EGFR: variants seen among roughly 807,000 people sequenced by gnomAD.
EGFR encodes the protein epidermal growth factor receptor.
In EGFR, 58 loss-of-function variants were observed where a neutral mutation model predicts 143.0. The observed-to-expected ratio is 0.41, with a 90% CI of 0.33 to 0.50. The LOEUF (loss-of-function observed/expected upper bound fraction) is 0.50, where lower values mean the gene tolerates loss of function less well. Among genes scored for constraint, EGFR ranks in the 20% least tolerant of loss-of-function variants. EGFR has a pLI of 0.39. For synonymous variants in EGFR, 613 were observed against 594.4 expected (o/e 1.03, Z -0.45); for missense variants, 1,307 against 1,579.0 (o/e 0.83, Z 2.92).
intron 24 of EGFR, 60 bp from the exon 25 acceptor site, chr7:55,201,128 C>A (rs1402059513): frequency 1.2e-6 from 2 of 1,610,202 alleles, no homozygotes; most frequent in Non-Finnish European, 1.7e-6. Flanking sequence ...GCTCCTATAG[C>A]CAAGAAGTGG....
At chr7:55,046,562 G>A (rs958808435) in intron 1 of EGFR, among the ~76,000 whole-genome samples, 2 of 147,312 alleles carry the variant, frequency 1.4e-5, no homozygotes, top group Non-Finnish European at 3.0e-5. Flanking sequence ...CCTTAGACAT[G>A]TGTTAGTGTT....
chr7:55,072,568 G>A (rs553283116), intron 1 of EGFR, among the ~76,000 whole-genome samples: 46 of 152,300 alleles, frequency 3.0e-4, no homozygotes, highest in African/African-American at 9.4e-4. Flanking sequence ...CTTTTTTAGG[G>A]AAGTGATTTT....
chr7:55,026,295 T>C (rs1786879560), intron 1 of EGFR, among the ~76,000 whole-genome samples: 1 of 152,204 alleles, frequency 6.6e-6, no homozygotes, highest in Non-Finnish European at 1.5e-5. Context: ...AGTAAATCAG[T>C]TCCAGAGTCA....
At chr7:55,165,491 TC>T (rs1205270064) in intron 15 of EGFR, 54 bp downstream of exon 15, 1 of 1,565,974 alleles carries the variant, frequency 6.4e-7, no homozygotes. Context: ...AATTCAGAGA[TC>T]AAAAATGTCT....
chr7:55,191,308 T>C (rs1414085415), intron 20 of EGFR, among the ~76,000 whole-genome samples: 6 of 152,156 alleles, frequency 3.9e-5, no homozygotes, highest in African/African-American at 1.2e-4. Context: ...TTAAAAACCC[T>C]GAACGACATT....
chr7:55,169,099 A>ATT lies in EGFR; in HGVS notation c.1881-2074_1881-2073dup, dbSNP rs750170891. On this transcript the variant is annotated intron_variant, in intron 15 of 27. Coordinates refer to ENST00000275493, the MANE Select transcript of EGFR (RefSeq NM_005228.5). Reference sequence around the variant, plus strand: ...GGGGAGGAACCCTGGAGGAATAGCTATTTCTTTTTTTTTTTTGTCGAGACG... The same window carrying ATT: ...GGGGAGGAACCCTGGAGGAATAGCTATTTTTCTTTTTTTTTTTTGTCGAGACG... Among the ~76,000 whole-genome samples the ATT allele has an allele frequency of 6.9e-5, 10 of 145,706 alleles. No individual in the cohort carries two copies. In the East Asian group the frequency reaches 1.7e-3, roughly 24 times the overall value.
intron 1 of EGFR, among the ~76,000 whole-genome samples, chr7:55,124,694 C>T (rs1216726350): frequency 6.6e-6 from 1 of 152,192 alleles, no homozygotes; most frequent in Non-Finnish European, 1.5e-5. Flanking sequence ...CTGATTTCCT[C>T]TACAGCCCTA....
chr7:55,204,231 T>TACACACACACCACACACACATACACACC (rs1562809218), intron 27 of EGFR, among the ~76,000 whole-genome samples: 1 of 128,670 alleles, frequency 7.8e-6, no homozygotes, highest in East Asian at 2.5e-4. Flanking sequence ...TACACAAACG[T>TACACACACACCACACACACATACACACC]ACACACACAC....
At chr7:55,168,958 A>G (rs1786207071) in intron 15 of EGFR, among the ~76,000 whole-genome samples, 1 of 152,148 alleles carries the variant, frequency 6.6e-6, no homozygotes, top group Non-Finnish European at 1.5e-5. Flanking sequence ...AAACACTTAC[A>G]GGGGTTTCTT....
chr7:55,147,801 G>A (rs1374757516), intron 4 of EGFR, among the ~76,000 whole-genome samples: 1 of 152,126 alleles, frequency 6.6e-6, no homozygotes, highest in Non-Finnish European at 1.5e-5. Context: ...CCAGCCTCTG[G>A]CCCTGGCAGG....
chr7:55,112,402 G>A (rs533726480), intron 1 of EGFR, among the ~76,000 whole-genome samples: 6 of 152,348 alleles, frequency 3.9e-5, no homozygotes, highest in East Asian at 1.9e-4. Context: ...GGGGTGGCAC[G>A]TTGCTCAAAC....
At chr7:55,178,508 A>G (rs1457470832) in intron 19 of EGFR, among the ~76,000 whole-genome samples, 1 of 152,140 alleles carries the variant, frequency 6.6e-6, no homozygotes. Context: ...CCATGGAGGG[A>G]GCCAGGGTCA....
intron 1 of EGFR, among the ~76,000 whole-genome samples, chr7:55,019,991 G>T (rs1171860715): frequency 6.6e-6 from 1 of 152,216 alleles, no homozygotes; most frequent in African/African-American, 2.4e-5. Flanking sequence ...CCCCTCTCCA[G>T]GTCCCCGCGA....
intron 1 of EGFR, among the ~76,000 whole-genome samples, chr7:55,021,305 G>A (rs33941449): frequency 0.017 from 2,657 of 152,270 alleles, 70 homozygotes; most frequent in South Asian, 0.1. Flanking sequence ...CTGTTAGTCA[G>A]GTGTCAGCCC....
intron 1 of EGFR, among the ~76,000 whole-genome samples, chr7:55,108,347 T>G (rs565755316): frequency 6.6e-6 from 1 of 152,356 alleles, no homozygotes; most frequent in South Asian, 2.1e-4. Flanking sequence ...CTGCCCTGGG[T>G]GCCGGTGTGC....
chr7:55,127,467 C>G (rs1793597505), intron 1 of EGFR, among the ~76,000 whole-genome samples: 1 of 152,040 alleles, frequency 6.6e-6, no homozygotes. Context: ...CCCTCACCCC[C>G]CACCACCCAC....
At chr7:55,044,023 C>T (rs376700724) in intron 1 of EGFR, 4 of 152,320 alleles carry the variant, frequency 2.6e-5, no homozygotes, top group South Asian at 4.1e-4. Context: ...CCCACCCAGA[C>T]ACTTGCTCAG....
rs148946646 is a variant in EGFR at position 55,039,246 on chromosome 7, T to C, written c.88+19881T>C. ...TTTTACTAAGGGCATCAGTAAGGCT[T>C]TCTATGACCTGCTCCTTCAATGCTT... On this transcript the variant is annotated intron_variant, in intron 1 of 27. Transcript: ENST00000275493. Among the ~76,000 whole-genome samples the C allele has an allele frequency of 4.7e-4, 72 of 152,314 alleles. No homozygotes were observed. The Middle Eastern group carries it at 0.014, about 29-fold the overall frequency.
chr7:55,161,757 G>A (rs929871215), intron 13 of EGFR, 126 bp downstream of exon 13: 4 of 1,527,368 alleles, frequency 2.6e-6, no homozygotes, highest in Non-Finnish European at 2.7e-6. Flanking sequence ...GCTTTTGGAG[G>A]TTTTGGGTTT....
Sources: gnomAD v4.1 joint callset for allele counts (sites outside exome capture counted in the v4.1 genomes callset) on GRCh38, gnomAD v4.1.1 for gene constraint, MANE v1.5 for transcripts, NCBI Gene and HGNC (gene_info 2026-07-23, HGNC 2026-07-21) for gene names.